FRMD4B: variants seen among roughly 807,000 people sequenced by gnomAD.
The protein encoded by FRMD4B is FERM domain containing 4B, also known as FERM domain-containing protein 4B.
FRMD4B carries 74 observed loss-of-function variants against 141.5 expected under a neutral mutation model. That is an observed-to-expected ratio of 0.52 (90% CI 0.43 to 0.63). FRMD4B has a LOEUF of 0.63. Among genes scored for constraint, FRMD4B ranks in the 30% least tolerant of loss-of-function variants. The pLI is 0.00. For synonymous variants in FRMD4B, 506 were observed against 467.9 expected (o/e 1.08, Z -1.05); for missense variants, 1,366 against 1,253.4 (o/e 1.09, Z -1.36).
intron 1 of FRMD4B, among the ~76,000 whole-genome samples, chr3:69,436,183 T>C (rs1705256443): frequency 6.6e-6 from 1 of 152,180 alleles, no homozygotes; most frequent in Non-Finnish European, 1.5e-5. Context: ...TCTTATCCCA[T>C]AGAAACCTCT....
At chr3:69,505,759 A>C (rs1422992446) in intron 1 of FRMD4B, among the ~76,000 whole-genome samples, 1 of 152,234 alleles carries the variant, frequency 6.6e-6, no homozygotes, top group African/African-American at 2.4e-5. Context: ...TGTTTTCTAC[A>C]TGCTGTGGAT....
intron 1 of FRMD4B, among the ~76,000 whole-genome samples, chr3:69,522,379 G>A (rs1052313653): frequency 1.3e-5 from 2 of 152,084 alleles, no homozygotes; most frequent in Admixed American, 1.3e-4. Flanking sequence ...AGTCAGGAAA[G>A]TAGTGAGTTA....
At chr3:69,503,399 G>T (rs1385782965) in intron 1 of FRMD4B, among the ~76,000 whole-genome samples, 2 of 151,922 alleles carry the variant, frequency 1.3e-5, no homozygotes, top group African/African-American at 4.8e-5. Context: ...CATGGATGAA[G>T]CTGGAAACCA....
chr3:69,204,191 A>T lies in FRMD4B; in HGVS notation c.877-5417T>A, dbSNP rs559036322. On this transcript the variant is annotated intron_variant, in intron 11 of 22. Transcript: ENST00000398540. ...GGAATGTGTCCCAGCATGTACAAAA[A>T]TGCTGAGAAGTATGCACCTGCCACG... is the stretch of plus-strand genomic sequence containing the variant. Among the ~76,000 whole-genome samples, 391 of 152,284 alleles carry T rather than the reference A, an allele frequency of 2.6e-3. 2 individuals carry two copies. Among genetic ancestry groups the T allele is most frequent in the African/African-American group, 9.0e-3 (373 of 41,562 alleles).
chr3:69,320,146 G>C (rs1393416149), intron 1 of FRMD4B, among the ~76,000 whole-genome samples: 1 of 152,154 alleles, frequency 6.6e-6, no homozygotes, highest in African/African-American at 2.4e-5. Context: ...AGGCTACAGC[G>C]TAAGTGACCT....
At chr3:69,235,141 C>G (rs1049568772) in intron 7 of FRMD4B, among the ~76,000 whole-genome samples, 1 of 139,962 alleles carries the variant, frequency 7.1e-6, no homozygotes, top group Non-Finnish European at 1.5e-5. Flanking sequence ...CAGAGCGAGA[C>G]CCTGTCTCAA....
chr3:69,190,241 A>C (rs2092821472), intron 17 of FRMD4B, among the ~76,000 whole-genome samples: 1 of 152,216 alleles, frequency 6.6e-6, no homozygotes, highest in Non-Finnish European at 1.5e-5. Flanking sequence ...CACTGGAATA[A>C]AACTTTACCT....
intron 19 of FRMD4B, among the ~76,000 whole-genome samples, chr3:69,184,738 A>G (rs1357016333): frequency 6.6e-6 from 1 of 152,220 alleles, no homozygotes. Flanking sequence ...GTCTCATGTT[A>G]TCCAATAGGA....
chr3:69,308,109 T>C (rs1490632145), intron 3 of FRMD4B, among the ~76,000 whole-genome samples: 1 of 152,198 alleles, frequency 6.6e-6, no homozygotes, highest in East Asian at 1.9e-4. Flanking sequence ...TCCTTCAGTT[T>C]CCTTCTTAAC....
At chr3:69,389,419 C>T (rs1704335517), upstream of FRMD4B, among the ~76,000 whole-genome samples, 1 of 152,154 alleles carries the variant, frequency 6.6e-6, no homozygotes, top group African/African-American at 2.4e-5. Context: ...TTTCCTATGA[C>T]TTTCTGTTTG....
intron 5 of FRMD4B, among the ~76,000 whole-genome samples, chr3:69,271,612 CAT>C (rs374427215): frequency 1.4e-4 from 21 of 152,272 alleles, no homozygotes; most frequent in African/African-American, 4.3e-4. Flanking sequence ...GTCAGAAAAA[CAT>C]GTGGAAAACC....
intron 1 of FRMD4B, among the ~76,000 whole-genome samples, chr3:69,476,224 A>T (rs1261510950): frequency 8.6e-5 from 13 of 151,682 alleles, no homozygotes; most frequent in Non-Finnish European, 1.6e-4. Context: ...CCCATTTGTC[A>T]ATTTTGGCTT....
chr3:69,219,141 G>C (rs1215595773), intron 9 of FRMD4B, among the ~76,000 whole-genome samples: 1 of 140,976 alleles, frequency 7.1e-6, no homozygotes, highest in Non-Finnish European at 1.5e-5. Flanking sequence ...CTCCAGCCTG[G>C]GTGACAGAGT....
At position 69,185,896 on chromosome 3, in the gene FRMD4B, G is replaced by T. The variant is rs149750074; in HGVS notation, c.1919+1874C>A. Among the ~76,000 whole-genome samples the T allele has an allele frequency of 2.8e-3, 425 of 152,048 alleles. 2 individuals carry two copies. The highest frequency in any genetic ancestry group is 9.9e-3 in the African/African-American group (410 of 41,494). ...ATCTCTACTAAAGATACAAAAACTTGCCGGGTGTGGTGGCGGGCATCTGTA... is the reference window on the plus strand; with the variant it reads ...ATCTCTACTAAAGATACAAAAACTTTCCGGGTGTGGTGGCGGGCATCTGTA... On this transcript the variant is annotated intron_variant, in intron 19 of 22. Coordinates refer to ENST00000398540, the MANE Select transcript of FRMD4B (RefSeq NM_015123.3).
chr3:69,381,713 A>G (rs1704124839), intron 1 of FRMD4B, among the ~76,000 whole-genome samples: 1 of 152,214 alleles, frequency 6.6e-6, no homozygotes, highest in African/African-American at 2.4e-5. Flanking sequence ...CTGTGGCAAA[A>G]TACATACAAA....
At chr3:69,287,704 C>G (rs1294513625) in intron 5 of FRMD4B, 48 bp downstream of exon 5, 1 of 915,382 alleles carries the variant, frequency 1.1e-6, no homozygotes, top group Non-Finnish European at 1.8e-6. Context: ...TCCTGTCATC[C>G]CAGTCGCTCT....
chr3:69,206,384 T>C (rs1467869950), intron 11 of FRMD4B, among the ~76,000 whole-genome samples: 1 of 152,008 alleles, frequency 6.6e-6, no homozygotes, highest in African/African-American at 2.4e-5. Context: ...AAAACCCATA[T>C]CTTAAATGCA....
At chr3:69,354,313 A>G (rs978214782) in intron 1 of FRMD4B, among the ~76,000 whole-genome samples, 1 of 152,242 alleles carries the variant, frequency 6.6e-6, no homozygotes, top group African/African-American at 2.4e-5. Flanking sequence ...AGAAAAACAT[A>G]TAGAATACTG....
chr3:69,501,823 T>C (rs1171168271), intron 1 of FRMD4B, among the ~76,000 whole-genome samples: 1 of 152,198 alleles, frequency 6.6e-6, no homozygotes, highest in Non-Finnish European at 1.5e-5. Flanking sequence ...GATAAGCAAC[T>C]TCAGCAAAGT....
Sources: gnomAD v4.1 joint callset for allele counts (sites outside exome capture counted in the v4.1 genomes callset) on GRCh38, gnomAD v4.1.1 for gene constraint, MANE v1.5 for transcripts, NCBI Gene and HGNC (gene_info 2026-07-23, HGNC 2026-07-21) for gene names.